Variants in NEK1 observed in about 807,000 individuals in gnomAD.
NEK1 encodes the protein NIMA related kinase 1.
Under a neutral mutation model 182.1 loss-of-function variants are expected in NEK1, and 137 were observed. The ratio of observed to expected loss-of-function variants is 0.75; its 90% confidence interval spans 0.65 to 0.87. The LOEUF (loss-of-function observed/expected upper bound fraction) is 0.87, where lower values mean the gene tolerates loss of function less well. Among genes scored for constraint, NEK1 ranks in the 40% least tolerant of loss-of-function variants. The pLI is 0.00. For synonymous variants in NEK1, 513 were observed against 492.2 expected, an observed-to-expected ratio of 1.04 and a Z score of -0.56; for missense variants, 1,391 against 1,494.4, an observed-to-expected ratio of 0.93 and a Z score of 1.14.
chr4:169,528,771 T>C (rs1186250252), intron 19 of NEK1, among the ~76,000 whole-genome samples: 2 of 152,210 alleles, frequency 1.3e-5, no homozygotes, highest in African/African-American at 4.8e-5. Context: ...ATCCACCAAC[T>C]GGATCTAATA....
chr4:169,540,576 T>C (rs1348374735), intron 18 of NEK1, among the ~76,000 whole-genome samples: 1 of 152,124 alleles, frequency 6.6e-6, no homozygotes, highest in Non-Finnish European at 1.5e-5. Context: ...ATTTTCTTCA[T>C]TAAACACTAT....
intron 18 of NEK1, among the ~76,000 whole-genome samples, chr4:169,540,194 T>G (rs1248762301): frequency 6.6e-6 from 1 of 152,152 alleles, no homozygotes; most frequent in Non-Finnish European, 1.5e-5. Context: ...TCCTATAATT[T>G]ATTAAACAAA....
intron 18 of NEK1, among the ~76,000 whole-genome samples, chr4:169,552,482 C>G (rs1367409560): frequency 6.6e-6 from 1 of 151,964 alleles, no homozygotes; most frequent in Non-Finnish European, 1.5e-5. Context: ...AAAAAACCTA[C>G]AGCTAACATA....
intron 5 of NEK1, among the ~76,000 whole-genome samples, chr4:169,594,285 A>C (rs928588380): frequency 3.9e-5 from 6 of 152,198 alleles, no homozygotes; most frequent in Admixed American, 3.9e-4. Flanking sequence ...ATGTGTAATA[A>C]AATGTATTAG....
intron 18 of NEK1, among the ~76,000 whole-genome samples, chr4:169,549,871 C>T (rs1470248878): frequency 6.6e-6 from 1 of 152,166 alleles, no homozygotes; most frequent in Non-Finnish European, 1.5e-5. Flanking sequence ...AGGCACCCAC[C>T]ACCATGCCCA....
chr4:169,403,933 T>C (rs1434901553), intron 32 of NEK1, among the ~76,000 whole-genome samples: 10 of 152,126 alleles, frequency 6.6e-5, no homozygotes, highest in Non-Finnish European at 2.9e-5. Flanking sequence ...TATAACAATA[T>C]GAAATAACGT....
chr4:169,481,497 A>C (rs1488498892), intron 23 of NEK1, among the ~76,000 whole-genome samples: 1 of 152,228 alleles, frequency 6.6e-6, no homozygotes, highest in East Asian at 1.9e-4. Flanking sequence ...TCGTGTTAGC[A>C]GGCATGAAAA....
At chr4:169,433,307 G>A (rs1040384667) in intron 29 of NEK1, among the ~76,000 whole-genome samples, 3 of 152,094 alleles carry the variant, frequency 2.0e-5, no homozygotes, top group Non-Finnish European at 2.9e-5. Flanking sequence ...TGATCTGCCC[G>A]CCTCAGTCTC....
chr4:169,465,847 T>C (rs1276542666), intron 26 of NEK1, among the ~76,000 whole-genome samples: 1 of 152,146 alleles, frequency 6.6e-6, no homozygotes, highest in East Asian at 1.9e-4. Context: ...AGCCAAGCTA[T>C]GCACAGGTAA....
Position 169,582,107 on chromosome 4 carries a change from C to T in NEK1, c.808-1205G>A, listed in dbSNP as rs1275146524. 3.3e-5 allele frequency among the ~76,000 whole-genome samples: 5 copies of T among 152,050 alleles called. No homozygotes were observed. In the East Asian group the frequency reaches 7.7e-4, roughly 24 times the overall value. ...CTATGATACCAACAAAGAATTAACT[C>T]GATTTATGCTTTTTTTTCTTACTTT... is the stretch of plus-strand genomic sequence containing the variant. On this transcript the variant is annotated intron_variant, in intron 10 of 35. Coordinates refer to ENST00000507142, the MANE Select transcript of NEK1 (RefSeq NM_001199397.3).
chr4:169,406,824 T>C (rs2111104418), intron 31 of NEK1, 77 bp from the exon 32 acceptor site: 1 of 1,262,274 alleles, frequency 7.9e-7, no homozygotes, highest in Non-Finnish European at 1.1e-6. Flanking sequence ...CTAGAACTAA[T>C]CACAATTTTG....
chr4:169,479,260 G>T, intron 24 of NEK1, 143 bp downstream of exon 24: 1 of 752,978 alleles, frequency 1.3e-6, no homozygotes, highest in Non-Finnish European at 2.1e-6. Context: ...AGTATTCTGA[G>T]TAAACTAAAA....
chr4:169,607,685 G>C (rs1047496022), intron 2 of NEK1, among the ~76,000 whole-genome samples: 6 of 151,856 alleles, frequency 4.0e-5, no homozygotes, highest in Admixed American at 3.3e-4. Flanking sequence ...GGATGGTCTC[G>C]ATCTCCTGAC....
chr4:169,545,067 T>A (rs76628803), intron 18 of NEK1, among the ~76,000 whole-genome samples: 5 of 151,198 alleles, frequency 3.3e-5, no homozygotes, highest in African/African-American at 7.3e-5. Context: ...TTTTTTTTTT[T>A]TATACTTTAA....
At chr4:169,496,575 C>A (rs1268237962) in intron 23 of NEK1, among the ~76,000 whole-genome samples, 2 of 150,638 alleles carry the variant, frequency 1.3e-5, no homozygotes, top group Non-Finnish European at 1.5e-5. Context: ...TGAGATACGT[C>A]CCATCAATAC....
chr4:169,433,130 G>A (rs1315448194), intron 29 of NEK1, among the ~76,000 whole-genome samples: 1 of 151,994 alleles, frequency 6.6e-6, no homozygotes, highest in African/African-American at 2.4e-5. Context: ...CATGATCTTG[G>A]CTCACTGCAA....
At position 169,530,841 on chromosome 4, in the gene NEK1, C is replaced by T. The variant is rs571635102; in HGVS notation, c.1665+6968G>A. Among the ~76,000 whole-genome samples the T allele has an allele frequency of 6.0e-5, 9 of 150,608 alleles. No individual in the cohort carries two copies. In the South Asian group the frequency reaches 1.9e-3, roughly 32 times the overall value. Reference sequence around the variant, plus strand: ...TGTGTTAAAATTCCTGGAAAAAAGTCTATATCACTATATGATCATTTGAAA... The same window carrying T: ...TGTGTTAAAATTCCTGGAAAAAAGTTTATATCACTATATGATCATTTGAAA... On this transcript the variant is annotated intron_variant, in intron 19 of 35. Transcript: ENST00000507142.
At chr4:169,550,335 C>G (rs1430554952) in intron 18 of NEK1, among the ~76,000 whole-genome samples, 1 of 152,160 alleles carries the variant, frequency 6.6e-6, no homozygotes, top group African/African-American at 2.4e-5. Context: ...ACCTCTTTTT[C>G]TTTATAAATT....
In NEK1 at chr4:169,406,712, C is replaced by T. The variant is rs745613566; in HGVS notation, c.3258G>A (p.Lys1086=). 2 of 1,605,278 alleles carry T rather than the reference C, an allele frequency of 1.2e-6. No individual in the cohort carries two copies. The highest frequency in any genetic ancestry group is 8.5e-7 in the Non-Finnish European group (1 of 1,176,766). ...GAACATCCATAAGGGTTCTGAACAG[C>T]TTTGAGAGATCTGGAAGTGAACATG... ...LRTCSLPDLS[K]LFRTLMDVPT... is the part of the protein sequence containing the mutation. Residue 1086 remains lysine, a synonymous_variant, in exon 32 of 36, where the codon AAG becomes AAA. Transcript: ENST00000507142.
Sources: gnomAD v4.1 joint callset for allele counts (sites outside exome capture counted in the v4.1 genomes callset) on GRCh38, gnomAD v4.1.1 for gene constraint, MANE v1.5 for transcripts, NCBI Gene and HGNC (gene_info 2026-07-23, HGNC 2026-07-21) for gene names.